Variants in CDC42BPB observed in about 807,000 individuals in gnomAD.
CDC42BPB encodes the protein CDC42 binding protein kinase beta.
A neutral mutation model predicts 214.9 loss-of-function variants in CDC42BPB; 37 were observed. That is an observed-to-expected ratio of 0.17 (90% CI 0.13 to 0.23). CDC42BPB has a LOEUF of 0.23. CDC42BPB is among the 10% of genes least tolerant of loss of function. The pLI is 1.00. For synonymous variants in CDC42BPB, 931 were observed against 884.0 expected (o/e 1.05, Z -0.94); for missense variants, 1,694 against 2,227.0 (o/e 0.76, Z 4.82).
chr14:102,963,473 T>C (rs2139439305), intron 19 of CDC42BPB: 1 of 164,656 alleles, frequency 6.1e-6, no homozygotes, highest in East Asian at 1.9e-4. Flanking sequence ...CCCAGGCCGC[T>C]CAGCCGTCAG....
chr14:102,954,343 G>C, intron 22 of CDC42BPB, 68 bp from the exon 23 acceptor site: 1 of 1,436,184 alleles, frequency 7.0e-7, no homozygotes, highest in Non-Finnish European at 9.2e-7. Flanking sequence ...GGCCCTACGG[G>C]GTGCACTTCT....
At chr14:102,947,865 CGCCCTGCCCTGCCCT>C (rs879720441) in intron 26 of CDC42BPB, 63 bp from the exon 27 acceptor site, 1 of 1,600,026 alleles carries the variant, frequency 6.2e-7, no homozygotes, top group East Asian at 2.3e-5. Context: ...GGCCCTCCCA[CGCCCTGCCCTGCCCT>C]GCCCTGCCAT....
chr14:102,967,016 T>C, intron 17 of CDC42BPB, 30 bp downstream of exon 17: 3 of 1,607,036 alleles, frequency 1.9e-6, no homozygotes, highest in Non-Finnish European at 2.6e-6. Context: ...GGGAGCGGAT[T>C]CACGGCCGCT....
intron 14 of CDC42BPB, 44 bp from the exon 15 acceptor site, chr14:102,968,760 C>T: frequency 6.2e-7 from 1 of 1,604,652 alleles, no homozygotes; most frequent in Non-Finnish European, 8.5e-7. Context: ...TCTGTGTCCT[C>T]AAGGGTCACA....
rs1393940175 is a variant in CDC42BPB at position 102,944,481 on chromosome 14, A to G, written c.3818T>C (p.Val1273Ala). ...YVIEVTRDVI[V>A]RAADCKKVHQ... ...TACCTTCTTACAGTCAGCGGCACGG[A>G]CGATCACTGTGGCAAGGAGGACAAG... is the stretch of plus-strand genomic sequence containing the variant. The change falls in exon 30 of 37, where the codon GTC becomes GCC. Residue 1273 changes from valine to alanine, a missense_variant. Val to Ala is a moderately conservative substitution (Grantham distance 64). Around this residue, in one of 7 missense-constraint regions of CDC42BPB, gnomAD observed 567 missense variants for 790.3 expected, o/e 0.72. Transcript: ENST00000361246. The surrounding 1 kb of genome is among the most constrained non-coding windows in gnomAD (Gnocchi z 6.6). 25 of 1,609,852 alleles carry G rather than the reference A, an allele frequency of 1.6e-5. No homozygotes were observed. Among genetic ancestry groups the G allele is most frequent in the Non-Finnish European group, 1.7e-5 (20 of 1,177,748 alleles).
chr14:102,946,600 C>G lies in CDC42BPB; in HGVS notation c.3616G>C (p.Val1206Leu). ...GACTGGAGTCCTTCTAGAATCCCAACCCACTTCCTCTTTTCATTCTCATTT... is the reference window on the plus strand; with the variant it reads ...GACTGGAGTCCTTCTAGAATCCCAAGCCACTTCCTCTTTTCATTCTCATTT... ...TENENEKRKW[V>L]GILEGLQSIL... Residue 1206 changes from valine to leucine, a missense_variant, in exon 28 of 37, where the codon GTT (valine) becomes CTT (leucine). Physicochemically the swap from Val to Leu is conservative, Grantham distance 32. This residue lies in a region of CDC42BPB where 567 missense variants were observed against 790.3 expected (regional missense o/e 0.72). Transcript: ENST00000361246. 1 of 1,612,824 alleles carries G rather than the reference C, an allele frequency of 6.2e-7. No individual in the cohort carries two copies. Among genetic ancestry groups the G allele is most frequent in the Non-Finnish European group, 8.5e-7 (1 of 1,179,970 alleles).
In CDC42BPB at chr14:102,938,219, C is replaced by T. The variant is rs376758489; in HGVS notation, c.4934-45G>A. The T allele has an allele frequency of 1.1e-4, 181 of 1,606,806 alleles. 1 individual carries two copies. Among genetic ancestry groups the T allele is most frequent in the African/African-American group, 4.7e-4 (35 of 74,802 alleles). ...TTCCTCTTAGGGAGAAAGTCAAGAA[C>T]GGAATCAAATGCCTGGGGTCTCCCC... On this transcript the variant is annotated intron_variant, in intron 35 of 36. Transcript: ENST00000361246.
Position 102,985,070 on chromosome 14 carries a change from G to A in CDC42BPB, c.691-1314C>T, listed in dbSNP as rs375726658. Among the ~76,000 whole-genome samples the A allele has an allele frequency of 4.0e-5, 6 of 151,774 alleles. No homozygotes were observed. In the East Asian group the frequency reaches 9.7e-4, roughly 25 times the overall value. On this transcript the variant is annotated intron_variant, in intron 6 of 36. Coordinates refer to ENST00000361246, the MANE Select transcript of CDC42BPB (RefSeq NM_006035.4). The stretch of plus-strand genomic sequence containing the variant: ...AGGTGAGGAGGGTAACCCATGCTCT[G>A]GTTATACCATGACGGGGTGGTGTGG...
chr14:103,041,539 G>C (rs1887994279), intron 1 of CDC42BPB: 1 of 1,364,900 alleles, frequency 7.3e-7, no homozygotes, highest in Non-Finnish European at 1.0e-6. Context: ...TGGCCACATG[G>C]TTCAACCAGC....
intron 21 of CDC42BPB, among the ~76,000 whole-genome samples, chr14:102,958,435 TA>T (rs1342606630): frequency 1.3e-5 from 2 of 152,180 alleles, no homozygotes; most frequent in African/African-American, 2.4e-5. Flanking sequence ...TGGAGTTTTC[TA>T]AATCAAAGGC....
chr14:103,048,702 C>G (rs1018961983), intron 1 of CDC42BPB, among the ~76,000 whole-genome samples: 2 of 146,496 alleles, frequency 1.4e-5, no homozygotes, highest in African/African-American at 5.1e-5. Flanking sequence ...AGCAAGACTC[C>G]GTCTCAAAAA....
Position 102,975,694 on chromosome 14 carries a change from A to G in CDC42BPB, c.1497T>C (p.Asn499=), listed in dbSNP as rs775468568. The change falls in exon 11 of 37, where the codon AAT becomes AAC. Residue 499 remains asparagine, a synonymous_variant. Transcript: ENST00000361246. ...CTTTTAAACACATACCTGCTATTTT[A>G]TTCTTCAAGCGTTCGATTTCTTCAT... ...KLNEEIERLK[N]KIADSNRLER... is the part of the protein sequence containing the mutation. The G allele has an allele frequency of 1.2e-6, 2 of 1,614,064 alleles. No individual in the cohort carries two copies. Among genetic ancestry groups the G allele is most frequent in the South Asian group, 1.1e-5 (1 of 91,078 alleles).
rs35207138 is a variant in CDC42BPB at position 103,021,679 on chromosome 14, C to CAA, written c.176-9493_176-9492dup. Among the ~76,000 whole-genome samples the CAA allele has an allele frequency of 3.5e-3, 473 of 133,352 alleles. 7 individuals carry two copies. Among genetic ancestry groups the CAA allele is most frequent in the African/African-American group, 0.012 (442 of 36,352 alleles). 87.5% of individuals were successfully genotyped at this position (133,352 alleles called of 152,430 possible). ...TGGGCAACAAAGCAAGACCTAGTCT[C>CAA]AAAAAAAAAAAAAAAAGAACATTCA... On this transcript the variant is annotated intron_variant, in intron 1 of 36. Coordinates refer to ENST00000361246, the MANE Select transcript of CDC42BPB (RefSeq NM_006035.4).
intron 3 of CDC42BPB, among the ~76,000 whole-genome samples, chr14:103,005,655 C>G (rs1895203105): frequency 6.6e-6 from 1 of 152,072 alleles, no homozygotes; most frequent in Admixed American, 6.5e-5. Context: ...TGCCACTGTA[C>G]TCCAGCCTGT....
Position 103,053,682 on chromosome 14 carries a change from A to G in CDC42BPB, c.175+3317T>C, listed in dbSNP as rs1472307130. Among the ~76,000 whole-genome samples, 23 of 151,210 alleles carry G rather than the reference A, an allele frequency of 1.5e-4. No homozygotes were observed. The East Asian group carries it at 4.6e-3, about 30-fold the overall frequency. On this transcript the variant is annotated intron_variant, in intron 1 of 36. Coordinates refer to ENST00000361246, the MANE Select transcript of CDC42BPB (RefSeq NM_006035.4). ...GAGGCTGAGGCAGGAGAACAACGTGAACCCGGGAGGCAGAGCTTGCAGTGA... is the reference window on the plus strand; with the variant it reads ...GAGGCTGAGGCAGGAGAACAACGTGGACCCGGGAGGCAGAGCTTGCAGTGA...
chr14:103,010,992 T>C (rs1886124001), intron 2 of CDC42BPB, among the ~76,000 whole-genome samples: 1 of 152,138 alleles, frequency 6.6e-6, no homozygotes, highest in Non-Finnish European at 1.5e-5. Context: ...ATCGCACCAC[T>C]GCACTCCAGC....
In CDC42BPB at chr14:102,943,893, C is replaced by G; in HGVS notation, c.4406G>C (p.Cys1469Ser). 1 of 1,605,326 alleles carries G rather than the reference C, an allele frequency of 6.2e-7. No homozygotes were observed. Among genetic ancestry groups the G allele is most frequent in the Non-Finnish European group, 8.5e-7 (1 of 1,176,636 alleles). The change falls in exon 30 of 37, where the codon TGT becomes TCT. Residue 1469 changes from cysteine (C) to serine (S), a missense_variant and splice_region_variant. Cys to Ser is a moderately radical substitution (Grantham distance 112). Transcript: ENST00000361246. The surrounding 1 kb of genome is among the most constrained non-coding windows in gnomAD (Gnocchi z 4.6). ...ELMWPAAPVACSCSPTHVTVY... is the reference protein window; with the variant it reads ...ELMWPAAPVASSCSPTHVTVY... Reference sequence around the variant, plus strand: ...TGCAACAGAAAACATATACATACTACAGGCGACAGGAGCCGCAGGCCACAT... The same window carrying G: ...TGCAACAGAAAACATATACATACTAGAGGCGACAGGAGCCGCAGGCCACAT...
chr14:102,972,952 G>A (rs1893552899), intron 12 of CDC42BPB, among the ~76,000 whole-genome samples: 1 of 152,156 alleles, frequency 6.6e-6, no homozygotes, highest in Non-Finnish European at 1.5e-5. Flanking sequence ...AAAAACAATC[G>A]CTGGACAGCC....
At chr14:102,935,013 CAA>C (rs35596449) in intron 36 of CDC42BPB, among the ~76,000 whole-genome samples, 16 of 71,316 alleles carry the variant, frequency 2.2e-4, no homozygotes, top group Non-Finnish European at 2.1e-4. Flanking sequence ...GACTCTGTCT[CAA>C]AAAAAAAAAA....
Sources: allele counts gnomAD v4.1 joint callset (sites outside exome capture counted in the v4.1 genomes callset), GRCh38; gene constraint gnomAD v4.1.1; regional missense constraint gnomAD v4.1.1; non-coding constraint Gnocchi (gnomAD v3.1); transcripts MANE v1.5; gene names NCBI Gene and HGNC (gene_info 2026-07-23, HGNC 2026-07-21).